Variants in IZUMO3 observed in about 807,000 individuals in gnomAD.
IZUMO3 encodes IZUMO family member 3.
Under a neutral mutation model 28.4 loss-of-function variants are expected in IZUMO3, and 36 were observed. The observed-to-expected ratio is 1.27, with a 90% CI of 0.97 to 1.67. The LOEUF (loss-of-function observed/expected upper bound fraction) is 1.67, where lower values mean the gene tolerates loss of function less well. IZUMO3 is among the 40% of genes most tolerant of loss of function. The probability of loss-of-function intolerance (pLI) is 0.00; values close to 1 mark genes in which losing one functional copy is unlikely to be tolerated. For synonymous variants in IZUMO3, 126 were observed against 99.2 expected, an observed-to-expected ratio of 1.27 and a Z score of -1.61; for missense variants, 387 against 278.5, an observed-to-expected ratio of 1.39 and a Z score of -2.77.
rs779121590 is a variant in IZUMO3, at chr9:24,545,318, G to A, written c.227-32C>T. On this transcript the variant is annotated intron_variant, in intron 1 of 6. Coordinates refer to ENST00000543880, the MANE Select transcript of IZUMO3 (RefSeq NM_001365008.2). Reference sequence around the variant, plus strand: ...AGGGAGAGTAAAGGTACATGTAGGGGAATAATTACATCTATGCAGGAAGTT... The same window carrying A: ...AGGGAGAGTAAAGGTACATGTAGGGAAATAATTACATCTATGCAGGAAGTT... 61 of 1,546,070 alleles carry A rather than the reference G, an allele frequency of 3.9e-5. No individual in the cohort carries two copies. The African/African-American group carries it at 7.7e-4, about 19-fold the overall frequency.
In IZUMO3 at chr9:24,543,057, A is replaced by T; in HGVS notation, c.*172T>A. The T allele has an allele frequency of 1.9e-6, 1 of 517,342 alleles. No homozygotes were observed. Among genetic ancestry groups the T allele is most frequent in the Non-Finnish European group, 3.2e-6 (1 of 310,726 alleles). The allele number at this position is 517,342 out of a possible 1,614,324, so 32.0% of individuals were successfully genotyped here. A position where few individuals can be genotyped will look rare whatever the true frequency, so the allele number is the denominator to read the frequency against. ...TGGCCAAATTATTTGCTCTCCCATT[A>T]CTTCCGTTGTCTCAGGATATCAATA... On this transcript the variant is annotated 3_prime_UTR_variant, in exon 7 of 7. Transcript: ENST00000543880.
chr9:24,544,441 G>A (rs1038964520), intron 4 of IZUMO3, among the ~76,000 whole-genome samples, 160 bp from the exon 5 acceptor site: 1 of 152,164 alleles, frequency 6.6e-6, no homozygotes, highest in East Asian at 1.9e-4. Context: ...GTTTCTTGAT[G>A]GATCAAAATC....
chr9:24,543,345 G>C lies in IZUMO3; in HGVS notation c.604C>G (p.Arg202Gly), dbSNP rs866465206. The stretch of plus-strand genomic sequence containing the variant: ...CTTCGTATTGCCTTCATTTTCCTCC[G>C]ATGAAAGATGCAAAAATGGAATCTA... ...VLLFHFCIFH[R>G]RKMKAIRRSL... is the part of the protein sequence containing the mutation. Residue 202 changes from arginine to glycine, a missense_variant, in exon 7 of 7, where the codon CGG becomes GGG. By Grantham distance (125) the Arg-to-Gly change is moderately radical. Coordinates refer to ENST00000543880, the MANE Select transcript of IZUMO3 (RefSeq NM_001365008.2). 3 of 1,525,462 alleles carry C rather than the reference G, an allele frequency of 2.0e-6. No individual in the cohort carries two copies. In the South Asian group the frequency reaches 3.6e-5, roughly 18 times the overall value. 94.5% of individuals were successfully genotyped at this position (1,525,462 alleles called of 1,614,324 possible). A position where few individuals can be genotyped will look rare whatever the true frequency, so the allele number is the denominator to read the frequency against.
intron 6 of IZUMO3, 46 bp from the exon 7 acceptor site, chr9:24,543,413 C>G: frequency 1.0e-6 from 1 of 957,158 alleles, no homozygotes; most frequent in Non-Finnish European, 1.5e-6. Flanking sequence ...ATCAGTAGCC[C>G]CATTCTTTAA....
chr9:24,543,194 G>C lies in IZUMO3; in HGVS notation c.*35C>G, dbSNP rs1436805511. ...TTGTACTTAGAGTCAACACTTAAGA[G>C]AATCATGAAAGACTTCTTGTCCATG... On this transcript the variant is annotated 3_prime_UTR_variant, in exon 7 of 7. Coordinates refer to ENST00000543880, the MANE Select transcript of IZUMO3 (RefSeq NM_001365008.2). The C allele has an allele frequency of 1.3e-6, 2 of 1,509,542 alleles. No individual in the cohort carries two copies. The highest frequency in any genetic ancestry group is 1.8e-6 in the Non-Finnish European group (2 of 1,125,422). The allele number at this position is 1,509,542 out of a possible 1,614,324, so 93.5% of individuals were successfully genotyped here.
Position 24,543,736 on chromosome 9 carries a change from G to A in IZUMO3, c.509C>T (p.Ala170Val), listed in dbSNP as rs1314543645. 1 of 1,548,426 alleles carries A rather than the reference G, an allele frequency of 6.5e-7. No homozygotes were observed. The highest frequency in any genetic ancestry group is 8.7e-7 in the Non-Finnish European group (1 of 1,145,440). The change falls in exon 6 of 7, where the codon GCT becomes GTT. Residue 170 changes from alanine (A) to valine (V), a missense_variant. Transcript: ENST00000543880. ...EYCGDEDPRKAENREIALFLI... is the reference protein window; with the variant it reads ...EYCGDEDPRKVENREIALFLI... ...AAATAGAGCAATCTCTCGATTCTCA[G>A]CCTTTCTTGGATCCTCGTCTGGAAG...
chr9:24,544,599 G>T, intron 4 of IZUMO3, 144 bp downstream of exon 4: 1 of 718,780 alleles, frequency 1.4e-6, no homozygotes, highest in Non-Finnish European at 2.4e-6. Context: ...TTCGTTATCA[G>T]GTATTGTTGA....
intron 4 of IZUMO3, 95 bp from the exon 5 acceptor site, chr9:24,544,376 T>G: frequency 1.1e-6 from 1 of 873,042 alleles, no homozygotes; most frequent in South Asian, 1.4e-5. Flanking sequence ...TCTCAAGCAT[T>G]CCCAGGACTC....
intron 5 of IZUMO3, among the ~76,000 whole-genome samples, 193 bp from the exon 6 acceptor site, chr9:24,543,947 G>C (rs1356678632): frequency 6.6e-6 from 1 of 152,014 alleles, no homozygotes; most frequent in Non-Finnish European, 1.5e-5. Context: ...ATAGCTGTCA[G>C]CAAAATTCTT....
intron 4 of IZUMO3, 139 bp from the exon 5 acceptor site, chr9:24,544,420 C>T (rs1056120340): frequency 2.9e-6 from 2 of 696,736 alleles, no homozygotes; most frequent in Non-Finnish European, 5.0e-6. Flanking sequence ...TCTTCTTCTC[C>T]TAGAAATCAA....
intron 4 of IZUMO3, 58 bp from the exon 5 acceptor site, chr9:24,544,339 G>A: frequency 1.7e-6 from 2 of 1,178,944 alleles, no homozygotes; most frequent in Non-Finnish European, 2.5e-6. Flanking sequence ...GGGTTCCTTA[G>A]TCATACATCA....
chr9:24,543,847 A>G (rs1819518765), intron 5 of IZUMO3, 93 bp from the exon 6 acceptor site: 2 of 837,956 alleles, frequency 2.4e-6, no homozygotes, highest in Middle Eastern at 2.4e-4. Flanking sequence ...TTTTAACCTC[A>G]GTTTGCCCTG....
intron 5 of IZUMO3, 54 bp downstream of exon 5, chr9:24,544,147 A>G (rs564183249): frequency 6.2e-5 from 75 of 1,216,708 alleles, no homozygotes; most frequent in Non-Finnish European, 8.3e-5. Context: ...TCAGTGAGCA[A>G]CCCTGCTCCT....
chr9:24,543,023 G>A lies in IZUMO3; in HGVS notation c.*206C>T. 3 of 435,794 alleles carry A rather than the reference G, an allele frequency of 6.9e-6. No individual in the cohort carries two copies. Among genetic ancestry groups the A allele is most frequent in the South Asian group, 1.1e-4 (2 of 18,146 alleles). The allele number at this position is 435,794 out of a possible 1,614,324, so 27.0% of individuals were successfully genotyped here. A position where few individuals can be genotyped will look rare whatever the true frequency, so the allele number is the denominator to read the frequency against. On this transcript the variant is annotated 3_prime_UTR_variant, in exon 7 of 7. Transcript: ENST00000543880. ...TTGCAACATACCAGCATTACTTTCT[G>A]TACAACTCTGGCCAAATTATTTGCT...
Position 24,543,692 on chromosome 9 carries a change from C to G in IZUMO3, c.553G>C (p.Ala185Pro). Reference sequence around the variant, plus strand: ...AACACAGCACTTCCCAGTATTACAGCTGTTGCCAGCAATATGAGAAATAGA... The same window carrying G: ...AACACAGCACTTCCCAGTATTACAGGTGTTGCCAGCAATATGAGAAATAGA... ...IALFLILLAT[A>P]VILGSAVLLF... is the part of the protein sequence containing the mutation. The change falls in exon 6 of 7, where the codon GCT becomes CCT. Residue 185 changes from alanine to proline, a missense_variant. Physicochemically the swap from Ala to Pro is conservative, Grantham distance 27. Transcript: ENST00000543880. 3 of 1,549,072 alleles carry G rather than the reference C, an allele frequency of 1.9e-6. No individual in the cohort carries two copies. The highest frequency in any genetic ancestry group is 1.7e-6 in the Non-Finnish European group (2 of 1,145,846).
chr9:24,543,941 C>A (rs896850406), intron 5 of IZUMO3, among the ~76,000 whole-genome samples, 187 bp from the exon 6 acceptor site: 1 of 152,076 alleles, frequency 6.6e-6, no homozygotes, highest in Non-Finnish European at 1.5e-5. Flanking sequence ...TTGCTGATAG[C>A]TGTCAGCAAA....
chr9:24,545,343 T>C, intron 1 of IZUMO3, 57 bp from the exon 2 acceptor site: 1 of 1,546,928 alleles, frequency 6.5e-7, no homozygotes, highest in Non-Finnish European at 8.7e-7. Flanking sequence ...TGCAGGAAGT[T>C]ATGTAGACCC....
intron 5 of IZUMO3, 94 bp from the exon 6 acceptor site, chr9:24,543,848 G>A (rs938072923): frequency 7.5e-6 from 6 of 804,524 alleles, no homozygotes; most frequent in Non-Finnish European, 1.2e-5. Context: ...TTTAACCTCA[G>A]TTTGCCCTGT....
intron 6 of IZUMO3, 24 bp downstream of exon 6, chr9:24,543,640 T>G (rs1392434038): frequency 6.8e-7 from 1 of 1,474,616 alleles, no homozygotes; most frequent in Non-Finnish European, 9.3e-7. Flanking sequence ...TGACCCAGTG[T>G]TTATTTGGAG....
Sources: gnomAD v4.1 joint callset for allele counts (sites outside exome capture counted in the v4.1 genomes callset) on GRCh38, gnomAD v4.1.1 for gene constraint, MANE v1.5 for transcripts, NCBI Gene and HGNC (gene_info 2026-07-23, HGNC 2026-07-21) for gene names.